The following NUP188 variants were observed in gnomAD, a reference collection of about 807,000 sequenced individuals.
NUP188 encodes nucleoporin 188.
In NUP188, 97 loss-of-function variants were observed where a neutral mutation model predicts 223.0. The observed-to-expected ratio is 0.43, with a 90% CI of 0.37 to 0.51. The LOEUF is 0.51. NUP188 is among the 20% of genes least tolerant of loss of function. The probability of loss-of-function intolerance (pLI) is 0.00; values close to 1 mark genes in which losing one functional copy is unlikely to be tolerated. For missense variants in NUP188, 1,947 were observed against 2,175.6 expected (o/e 0.89, Z 2.09); for synonymous variants, 869 against 828.0 (o/e 1.05, Z -0.85).
rs1735931302 is a variant in NUP188 at position 129,006,139 on chromosome 9, G to A, written c.4943+16G>A. The A allele has an allele frequency of 6.2e-7, 1 of 1,614,146 alleles. No homozygotes were observed. Among genetic ancestry groups the A allele is most frequent in the Non-Finnish European group, 8.5e-7 (1 of 1,180,014 alleles). ...GGACGTTAAAGTAAGTGCTCTTTCT[G>A]GGATTTGATAAGGGGCTGGGGCAGT... On this transcript the variant is annotated intron_variant, in intron 42 of 43. Transcript: ENST00000372577.
intron 31 of NUP188, 44 bp from the exon 32 acceptor site, chr9:128,998,494 G>A (rs565383204): frequency 8.4e-6 from 13 of 1,541,860 alleles, no homozygotes; most frequent in Admixed American, 5.0e-5. Context: ...GATGGCATGC[G>A]AATCTTTCCA....
Position 128,985,011 on chromosome 9 carries a change from C to G in NUP188, c.2073C>G (p.Val691=), listed in dbSNP as rs1588283209. 1 of 1,606,806 alleles carries G rather than the reference C, an allele frequency of 6.2e-7. No individual in the cohort carries two copies. The highest frequency in any genetic ancestry group is 1.3e-5 in the African/African-American group (1 of 74,852). Residue 691 remains valine (V), a synonymous_variant, in exon 20 of 44, where the codon GTC becomes GTG. Coordinates refer to ENST00000372577, the MANE Select transcript of NUP188 (RefSeq NM_015354.3). ...TTCTGCGCTTGATCACCACCCTTGT[C>G]AAGGTACAGTCTGATTTTGTTCACA... The part of the protein sequence containing the change: ...IAFLRLITTL[V]KGQLGSTQSQ...
intron 36 of NUP188, 29 bp downstream of exon 36, chr9:129,002,005 C>T: frequency 1.9e-6 from 3 of 1,558,266 alleles, no homozygotes; most frequent in Non-Finnish European, 2.7e-6. Context: ...CCAGGAGGCC[C>T]AGCCTGACCA....
At chr9:128,985,233 A>G (rs1248750781) in intron 20 of NUP188, 18 of 437,354 alleles carry the variant, frequency 4.1e-5, no homozygotes, top group Non-Finnish European at 3.7e-5. Flanking sequence ...AATTTATTTA[A>G]TGATTGGAAG....
chr9:128,999,718 T>A lies in NUP188; in HGVS notation c.3756T>A (p.Ser1252Arg), dbSNP rs376221607. The A allele has an allele frequency of 1.2e-5, 19 of 1,614,230 alleles. No individual in the cohort carries two copies. Among genetic ancestry groups the A allele is most frequent in the Non-Finnish European group, 1.3e-5 (15 of 1,180,048 alleles). The change falls in exon 34 of 44, where the codon AGT becomes AGA. Residue 1252 changes from serine (S) to arginine (R), a missense_variant. By Grantham distance (110) the Ser-to-Arg change is moderately radical (BLOSUM62 -1). Around this residue, in one of 3 missense-constraint regions of NUP188, gnomAD observed 905 missense variants for 990.6 expected, o/e 0.91. Coordinates refer to ENST00000372577, the MANE Select transcript of NUP188 (RefSeq NM_015354.3). ...VIALFDQTRH[S>R]LALGSATEDK... Reference sequence around the variant, plus strand: ...CACTCTTCGACCAGACCCGCCACAGTCTGGCATTAGGCAGTGCCACAGAGG... The same window carrying A: ...CACTCTTCGACCAGACCCGCCACAGACTGGCATTAGGCAGTGCCACAGAGG...
intron 38 of NUP188, 191 bp from the exon 39 acceptor site, chr9:129,004,956 G>A: frequency 1.7e-6 from 1 of 596,712 alleles, no homozygotes; most frequent in African/African-American, 1.9e-5. Flanking sequence ...AGGGGAGCAT[G>A]AGGGAAGGAG....
rs997611247 is a variant in NUP188, at chr9:128,988,215, G to A, written c.2533+29G>A. 3 of 1,611,196 alleles carry A rather than the reference G, an allele frequency of 1.9e-6. No homozygotes were observed. The African/African-American group carries it at 4.0e-5, about 22-fold the overall frequency. ...TGTATTTCTCTTCCAGTCACAACATGGTATGTATTTCTCTTCCAGTCATTT... is the reference window on the plus strand; with the variant it reads ...TGTATTTCTCTTCCAGTCACAACATAGTATGTATTTCTCTTCCAGTCATTT... On this transcript the variant is annotated intron_variant, in intron 24 of 43. Coordinates refer to ENST00000372577, the MANE Select transcript of NUP188 (RefSeq NM_015354.3).
At chr9:128,978,898 A>G (rs1264157242) in intron 12 of NUP188, among the ~76,000 whole-genome samples, 3 of 152,084 alleles carry the variant, frequency 2.0e-5, no homozygotes, top group Non-Finnish European at 2.9e-5. Flanking sequence ...TTTAGTAGAC[A>G]TGGGGTTTCA....
At chr9:128,969,259 A>G (rs1211013084) in intron 9 of NUP188, 141 bp from the exon 10 acceptor site, 4 of 582,574 alleles carry the variant, frequency 6.9e-6, no homozygotes, top group Non-Finnish European at 1.2e-5. Flanking sequence ...TCTGCCTCTC[A>G]AAGTGTTAGG....
At chr9:128,983,140 C>CTTGG (rs1842281335) in intron 17 of NUP188, 112 bp downstream of exon 17, 3 of 1,474,582 alleles carry the variant, frequency 2.0e-6, no homozygotes, top group Non-Finnish European at 2.8e-6. Flanking sequence ...GCGCATATTC[C>CTTGG]TTGGTTTTCC....
In NUP188 at chr9:128,994,914, A is replaced by T. The variant is rs755404218; in HGVS notation, c.3146A>T (p.Tyr1049Phe). ...IMKIICLEIY[Y>F]VVKGSLDQSL... ...AAGATAATTTGCTTGGAGATATACTATGTAGTAAAGTGAGTACTTTCCCCT... is the reference window on the plus strand; with the variant it reads ...AAGATAATTTGCTTGGAGATATACTTTGTAGTAAAGTGAGTACTTTCCCCT... Residue 1049 changes from tyrosine (Y) to phenylalanine (F), a missense_variant, in exon 29 of 44, where the codon TAT becomes TTT. Coordinates refer to ENST00000372577, the MANE Select transcript of NUP188 (RefSeq NM_015354.3). 6.2e-7 allele frequency: 1 copy of T among 1,610,816 alleles called. No individual in the cohort carries two copies. Among genetic ancestry groups the T allele is most frequent in the Non-Finnish European group, 8.5e-7 (1 of 1,177,076 alleles).
In NUP188 at chr9:128,983,028, G is replaced by A. The variant is rs1166587638; in HGVS notation, c.1796G>A (p.Arg599Gln). ...ITSRIYMLLQ[R>Q]LTTVISPPVD... is the part of the protein sequence containing the mutation. ...TCTCGCATCTACATGCTGCTGCAGC[G>A]GTGAGTCTGTCTTGGCTGACCCTCA... The change falls in exon 17 of 44, where the codon CGG becomes CAG. Residue 599 changes from arginine (R) to glutamine (Q), a missense_variant and splice_region_variant. Arg to Gln is a conservative substitution (Grantham distance 43). This residue lies in a region of NUP188 where 817 missense variants were observed against 865.8 expected (regional missense o/e 0.94). Transcript: ENST00000372577. 4.3e-6 allele frequency: 7 copies of A among 1,613,874 alleles called. No individual in the cohort carries two copies. Among genetic ancestry groups the A allele is most frequent in the South Asian group, 1.1e-5 (1 of 91,064 alleles).
At position 128,956,381 on chromosome 9, in the gene NUP188, A is replaced by G. The variant is rs1262892620; in HGVS notation, c.193A>G (p.Lys65Glu). 6 of 1,577,682 alleles carry G rather than the reference A, an allele frequency of 3.8e-6. No homozygotes were observed. Among genetic ancestry groups the G allele is most frequent in the South Asian group, 1.2e-5 (1 of 83,164 alleles). Reference protein sequence around the residue: ...PSSAEKVKANKDVASPLKELG... With the variant: ...PSSAEKVKANEDVASPLKELG... ...TTCAGCTGAAAAAGTGAAAGCTAAT[A>G]AAGATGTAGCTTCACCATTGAAGGA... Residue 65 changes from lysine (K) to glutamate (E), a missense_variant, in exon 4 of 44, where the codon AAA becomes GAA. Coordinates refer to ENST00000372577, the MANE Select transcript of NUP188 (RefSeq NM_015354.3).
chr9:128,949,068 A>T, intron 1 of NUP188, 121 bp from the exon 2 acceptor site: 1 of 665,210 alleles, frequency 1.5e-6, no homozygotes, highest in Non-Finnish European at 2.6e-6. Context: ...CAAAAATTTA[A>T]CAAATCGTTT....
rs528821221 is a variant in NUP188 at position 128,988,719 on chromosome 9, A to ATTTT, written c.2533+557_2533+560dup. On this transcript the variant is annotated intron_variant, in intron 24 of 43. Coordinates refer to ENST00000372577, the MANE Select transcript of NUP188 (RefSeq NM_015354.3). ...ATTCCAGATTTTTTTTAATTTTTTA[A>ATTTT]TTTTTTTTTTTTTTTTTTTTTTTTT... is the stretch of plus-strand genomic sequence containing the variant. Among the ~76,000 whole-genome samples, 20 of 72,868 alleles carry ATTTT rather than the reference A, an allele frequency of 2.7e-4. 1 individual carries two copies. The highest frequency in any genetic ancestry group is 7.3e-4 in the African/African-American group (16 of 21,874). The allele number at this position is 72,868 out of a possible 152,430, so 47.8% of individuals were successfully genotyped here. A position where few individuals can be genotyped will look rare whatever the true frequency, so the allele number is the denominator to read the frequency against.
intron 8 of NUP188, among the ~76,000 whole-genome samples, chr9:128,963,376 C>T (rs1428580132): frequency 1.3e-5 from 2 of 151,032 alleles, no homozygotes; most frequent in African/African-American, 4.9e-5. Flanking sequence ...ACCTCTGCCT[C>T]CTGAGTTCAA....
At chr9:128,982,031 C>T (rs1291696079) in intron 15 of NUP188, among the ~76,000 whole-genome samples, 1 of 151,644 alleles carries the variant, frequency 6.6e-6, no homozygotes, top group African/African-American at 2.4e-5. Flanking sequence ...GAGTTGAGAT[C>T]GCGCCATTGC....
In NUP188 at chr9:129,004,326, C is replaced by G. The variant is rs375082886; in HGVS notation, c.4435-821C>G. 2.5e-4 allele frequency among the ~76,000 whole-genome samples: 38 copies of G among 150,880 alleles called. 2 individuals are homozygous for G. The South Asian group carries it at 6.5e-3, about 26-fold the overall frequency. ...TAAACTAAACAAAACCAAAAAAACA[C>G]ACACAACTGGAGCTGGGAACCAGCT... On this transcript the variant is annotated intron_variant, in intron 38 of 43. Coordinates refer to ENST00000372577, the MANE Select transcript of NUP188 (RefSeq NM_015354.3).
rs774570938 is a variant in NUP188, at chr9:128,994,826, T to C, written c.3088-30T>C. 44 of 1,580,890 alleles carry C rather than the reference T, an allele frequency of 2.8e-5. No homozygotes were observed. The East Asian group carries it at 9.8e-4, about 35-fold the overall frequency. On this transcript the variant is annotated intron_variant, in intron 28 of 43. Transcript: ENST00000372577. ...TGGGGGAGATCAGTGATCAGAGATG[T>C]GATAATTGCCTGTTCTGCTATCTCC...
Sources: allele counts gnomAD v4.1 joint callset (sites outside exome capture counted in the v4.1 genomes callset), GRCh38; gene constraint gnomAD v4.1.1; regional missense constraint gnomAD v4.1.1; transcripts MANE v1.5; gene names NCBI Gene and HGNC (gene_info 2026-07-23, HGNC 2026-07-21).